The following PRUNE2 variants were observed in gnomAD, a reference collection of about 807,000 sequenced individuals.
PRUNE2 encodes protein prune homolog 2.
Under a neutral mutation model 252.0 loss-of-function variants are expected in PRUNE2, and 164 were observed. The observed-to-expected ratio is 0.65, with a 90% CI of 0.57 to 0.74. The LOEUF (loss-of-function observed/expected upper bound fraction) is 0.74, where lower values mean the gene tolerates loss of function less well. Ranked by LOEUF, PRUNE2 falls within the 30% of genes least tolerant of loss-of-function variation. The pLI is 0.00. For synonymous variants in PRUNE2, 1,292 were observed against 1,350.2 expected (o/e 0.96, Z 0.94); for missense variants, 3,495 against 3,711.0 (o/e 0.94, Z 1.51).
chr9:76,696,370 G>C, intron 9 of PRUNE2, among the ~76,000 whole-genome samples: 1 of 152,100 alleles, frequency 6.6e-6, no homozygotes, highest in South Asian at 2.1e-4. Flanking sequence ...TGCTTCGTCA[G>C]CTCTACTCTC....
intron 6 of PRUNE2, among the ~76,000 whole-genome samples, chr9:76,722,026 T>C (rs79990919): frequency 0.027 from 4,080 of 152,262 alleles, 161 homozygotes; most frequent in African/African-American, 0.091. Flanking sequence ...ATATTTTCCA[T>C]GTTTTTTCCA....
intron 6 of PRUNE2, among the ~76,000 whole-genome samples, chr9:76,747,659 G>A (rs552217358): frequency 1.3e-5 from 2 of 152,226 alleles, no homozygotes; most frequent in South Asian, 4.2e-4. Flanking sequence ...AAATCAACTG[G>A]TCCTCTTAAG....
At chr9:76,745,514 C>T (rs2050023143) in intron 6 of PRUNE2, among the ~76,000 whole-genome samples, 1 of 151,034 alleles carries the variant, frequency 6.6e-6, no homozygotes, top group South Asian at 2.1e-4. Flanking sequence ...ACTCCTGTGG[C>T]CCCACTCATA....
intron 1 of PRUNE2, chr9:76,862,147 G>A (rs12337899): frequency 0.11 from 17,468 of 152,488 alleles, 1,401 homozygotes; most frequent in African/African-American, 0.23. Context: ...GGCCAGGCAC[G>A]GTGGCTCACG....
intron 4 of PRUNE2, among the ~76,000 whole-genome samples, chr9:76,835,330 A>T (rs946793689): frequency 1.3e-5 from 2 of 152,052 alleles, no homozygotes; most frequent in African/African-American, 4.8e-5. Context: ...GATTTTTTTC[A>T]TATTGAAAAA....
At chr9:76,624,739 A>G (rs959880219) in intron 16 of PRUNE2, among the ~76,000 whole-genome samples, 1 of 152,210 alleles carries the variant, frequency 6.6e-6, no homozygotes, top group African/African-American at 2.4e-5. Context: ...GGGATCAGAA[A>G]CATGCTGGCT....
chr9:76,722,146 C>T (rs943337025), intron 6 of PRUNE2, among the ~76,000 whole-genome samples: 1 of 151,292 alleles, frequency 6.6e-6, no homozygotes, highest in African/African-American at 2.4e-5. Flanking sequence ...GCAACCACTA[C>T]CTCCCAGGTT....
chr9:76,732,036 C>T (rs1197307175), intron 6 of PRUNE2, among the ~76,000 whole-genome samples: 4 of 152,168 alleles, frequency 2.6e-5, no homozygotes, highest in Non-Finnish European at 4.4e-5. Context: ...TACACTTGGC[C>T]GGGCGCGGTG....
intron 6 of PRUNE2, chr9:76,823,292 G>A (rs1039118122): frequency 5.1e-6 from 1 of 197,600 alleles, no homozygotes; most frequent in African/African-American, 2.3e-5. Context: ...AACAATACAG[G>A]GTGGTACACA....
intron 1 of PRUNE2, among the ~76,000 whole-genome samples, chr9:76,888,971 T>A (rs1389100821): frequency 6.6e-6 from 1 of 152,104 alleles, no homozygotes; most frequent in Non-Finnish European, 1.5e-5. Flanking sequence ...GCCTCTCAAG[T>A]AGCTGGAATT....
At chr9:76,865,283 A>T (rs2060771073) in intron 1 of PRUNE2, among the ~76,000 whole-genome samples, 1 of 152,228 alleles carries the variant, frequency 6.6e-6, no homozygotes, top group Non-Finnish European at 1.5e-5. Context: ...GCTTGAGGTC[A>T]GGAGTTCGAG....
chr9:76,645,220 A>G, intron 11 of PRUNE2: 1 of 238,820 alleles, frequency 4.2e-6, no homozygotes, highest in Non-Finnish European at 8.2e-6. Flanking sequence ...TAGTGGTCCA[A>G]GGACCAACTC....
At chr9:76,759,097 G>A (rs1352862871) in intron 6 of PRUNE2, 1 of 152,242 alleles carries the variant, frequency 6.6e-6, no homozygotes, top group Non-Finnish European at 1.5e-5. Flanking sequence ...AGCTGACTGA[G>A]TTACAGTCCC....
intron 2 of PRUNE2, among the ~76,000 whole-genome samples, chr9:76,852,178 A>G (rs1340012039): frequency 2.6e-5 from 4 of 152,240 alleles, no homozygotes; most frequent in Non-Finnish European, 4.4e-5. Flanking sequence ...CTGCTATAGC[A>G]TACAAAGCAC....
In PRUNE2 at chr9:76,612,936, C is replaced by G. The variant is rs1003121886; in HGVS notation, c.*1634G>C. 1.3e-5 allele frequency: 2 copies of G among 152,126 alleles called. No individual in the cohort carries two copies. The highest frequency in any genetic ancestry group is 4.8e-5 in the African/African-American group (2 of 41,406). 9.4% of individuals were successfully genotyped at this position (152,126 alleles called of 1,614,324 possible). A position where few individuals can be genotyped will look rare whatever the true frequency, so the allele number is the denominator to read the frequency against. The stretch of plus-strand genomic sequence containing the variant: ...AGACTAGGGTGGAACCGCTCTCACC[C>G]CTTCATTTTTATTTCTGCCAGCTTC... On this transcript the variant is annotated 3_prime_UTR_variant, in exon 19 of 19. Coordinates refer to ENST00000376718, the MANE Select transcript of PRUNE2 (RefSeq NM_015225.3).
At chr9:76,851,955 T>A (rs2059985099) in intron 2 of PRUNE2, among the ~76,000 whole-genome samples, 2 of 152,194 alleles carry the variant, frequency 1.3e-5, no homozygotes, top group Admixed American at 6.5e-5. Context: ...TTCAGTGACA[T>A]GGAATTTGTG....
At chr9:76,734,350 A>G (rs1344011240) in intron 6 of PRUNE2, among the ~76,000 whole-genome samples, 2 of 152,198 alleles carry the variant, frequency 1.3e-5, no homozygotes, top group African/African-American at 4.8e-5. Flanking sequence ...TTTTAAGATC[A>G]TCGAACCTAC....
At chr9:76,763,768 G>C (rs1469964432) in intron 6 of PRUNE2, among the ~76,000 whole-genome samples, 1 of 152,170 alleles carries the variant, frequency 6.6e-6, no homozygotes, top group Admixed American at 6.5e-5. Context: ...GAGAGGGGTA[G>C]TGGGGAAGAG....
At chr9:76,870,844 C>G (rs893807598) in intron 1 of PRUNE2, among the ~76,000 whole-genome samples, 4 of 150,700 alleles carry the variant, frequency 2.7e-5, no homozygotes. Flanking sequence ...AGACAGAAAC[C>G]TAAGTGGCAA....
Sources: allele counts gnomAD v4.1 joint callset (sites outside exome capture counted in the v4.1 genomes callset), GRCh38; gene constraint gnomAD v4.1.1; transcripts MANE v1.5; gene names NCBI Gene and HGNC (gene_info 2026-07-23, HGNC 2026-07-21).